The following RASEF variants were observed in gnomAD, a reference collection of about 807,000 sequenced individuals.
RASEF encodes the protein RAS and EF-hand domain containing, also known as ras and EF-hand domain-containing protein.
A neutral mutation model predicts 90.1 loss-of-function variants in RASEF; 68 were observed. The ratio of observed to expected loss-of-function variants is 0.75; its 90% CI spans 0.62 to 0.92. The LOEUF is 0.92. RASEF is among the 40% of genes least tolerant of loss of function. The probability of loss-of-function intolerance (pLI) is 0.00; values close to 1 mark genes in which losing one functional copy is unlikely to be tolerated. For synonymous variants in RASEF, 331 were observed against 345.2 expected, an observed-to-expected ratio of 0.96 and a Z score of 0.46; for missense variants, 949 against 937.2, an observed-to-expected ratio of 1.01 and a Z score of -0.16.
At chr9:83,134,179 T>C in the RASEF span, among the ~76,000 whole-genome samples, 1 of 152,044 alleles carries the variant, frequency 6.6e-6, no homozygotes, top group South Asian at 2.1e-4. Context: ...TGATCCCTCT[T>C]CTCTCCCTCC....
At chr9:83,173,513 G>T in the RASEF span, among the ~76,000 whole-genome samples, 1 of 151,042 alleles carries the variant, frequency 6.6e-6, no homozygotes, top group African/African-American at 2.4e-5. Context: ...GATCAGTTTT[G>T]CTGCTGAGAC....
chr9:83,065,116 A>G (rs551235145), upstream of RASEF, among the ~76,000 whole-genome samples: 3 of 152,228 alleles, frequency 2.0e-5, no homozygotes, highest in African/African-American at 4.8e-5. Context: ...ATTATTCCAA[A>G]TGTCTTGTGC....
the RASEF span, among the ~76,000 whole-genome samples, chr9:83,142,501 G>C: frequency 0.15 from 22,457 of 152,140 alleles, 1,869 homozygotes; most frequent in East Asian, 0.29. Flanking sequence ...GCAAAAGTTA[G>C]AGCCTGAAGT....
chr9:83,207,999 T>G, the RASEF span, among the ~76,000 whole-genome samples: 1 of 152,230 alleles, frequency 6.6e-6, no homozygotes, highest in East Asian at 1.9e-4. Flanking sequence ...TGTAGTGGCA[T>G]GTCTCCATTC....
the RASEF span, among the ~76,000 whole-genome samples, chr9:83,194,693 G>A: frequency 0.069 from 10,544 of 152,076 alleles, 639 homozygotes; most frequent in Admixed American, 0.14. Flanking sequence ...CTTCTCCCCC[G>A]TTTATTTAAT....
the RASEF span, among the ~76,000 whole-genome samples, chr9:83,151,221 A>G: frequency 6.6e-6 from 1 of 152,136 alleles, no homozygotes; most frequent in Non-Finnish European, 1.5e-5. Flanking sequence ...TAAATTATTT[A>G]CAGTAAATGT....
At chr9:83,020,162 G>A (rs1442526011) in intron 3 of RASEF, among the ~76,000 whole-genome samples, 2 of 152,204 alleles carry the variant, frequency 1.3e-5, no homozygotes, top group African/African-American at 4.8e-5. Context: ...TATGCCATAG[G>A]AGTCAAGGAC....
intron 6 of RASEF, among the ~76,000 whole-genome samples, chr9:83,008,041 A>G (rs1486447541): frequency 6.6e-6 from 1 of 151,990 alleles, no homozygotes; most frequent in Non-Finnish European, 1.5e-5. Flanking sequence ...TCCCCAAAGA[A>G]CCAGGCTTGC....
the RASEF span, among the ~76,000 whole-genome samples, chr9:83,118,190 G>A: frequency 2.0e-5 from 3 of 152,078 alleles, no homozygotes; most frequent in African/African-American, 4.8e-5. Context: ...ACCTGGTTCC[G>A]TGCTTTTTAA....
At position 82,982,501 on chromosome 9, in the gene RASEF, A is replaced by G; in HGVS notation, c.*176T>C. On this transcript the variant is annotated 3_prime_UTR_variant, in exon 17 of 17. Coordinates refer to ENST00000376447, the MANE Select transcript of RASEF (RefSeq NM_152573.4). ...GAGGGCCCAAATCACTCACTGAGAC[A>G]AAACAAAGAAGAGCCAAAGTTCCAG... 1 of 543,146 alleles carries G rather than the reference A, an allele frequency of 1.8e-6. No homozygotes were observed. The highest frequency in any genetic ancestry group is 3.3e-6 in the Non-Finnish European group (1 of 299,198). 33.6% of individuals were successfully genotyped at this position (543,146 alleles called of 1,614,324 possible).
the RASEF span, among the ~76,000 whole-genome samples, chr9:83,196,050 T>C: frequency 4.5e-4 from 69 of 152,112 alleles, no homozygotes; most frequent in Non-Finnish European, 7.1e-4. Context: ...AAACCTCAGA[T>C]TACTTCAAGG....
chr9:83,079,569 C>T, the RASEF span, among the ~76,000 whole-genome samples: 1 of 152,150 alleles, frequency 6.6e-6, no homozygotes, highest in East Asian at 1.9e-4. Context: ...GACCCAAACG[C>T]CTCCCACCAG....
the RASEF span, among the ~76,000 whole-genome samples, chr9:83,089,896 A>AGATAGATAGAT: frequency 1.6e-3 from 30 of 19,254 alleles, no homozygotes; most frequent in South Asian, 0.014. Flanking sequence ...GATAGATGAT[A>AGATAGATAGAT]GATAGATAGA....
the RASEF span, among the ~76,000 whole-genome samples, chr9:83,073,332 A>G: frequency 6.6e-6 from 1 of 152,150 alleles, no homozygotes. Flanking sequence ...GTTGATCTCC[A>G]TAATCTTCAG....
chr9:83,098,703 G>A, the RASEF span, among the ~76,000 whole-genome samples: 2 of 152,178 alleles, frequency 1.3e-5, no homozygotes, highest in African/African-American at 4.8e-5. Flanking sequence ...AAGGCAAGGA[G>A]GAGCAAAGTC....
chr9:83,034,785 T>C (rs866736996), intron 1 of RASEF, among the ~76,000 whole-genome samples: 1 of 152,334 alleles, frequency 6.6e-6, no homozygotes, highest in African/African-American at 2.4e-5. Flanking sequence ...ACATCTGCTT[T>C]ATGACTCAGA....
chr9:83,004,661 C>T, intron 8 of RASEF, 75 bp from the exon 9 acceptor site: 2 of 891,732 alleles, frequency 2.2e-6, no homozygotes, highest in Non-Finnish European at 3.7e-6. Context: ...TAGGTACACA[C>T]AAACCCATTT....
chr9:83,197,911 T>C, the RASEF span, among the ~76,000 whole-genome samples: 5 of 152,204 alleles, frequency 3.3e-5, no homozygotes, highest in Non-Finnish European at 7.3e-5. Context: ...AATGCTTTGA[T>C]ATCTACAGCA....
chr9:83,128,277 G>A, the RASEF span, among the ~76,000 whole-genome samples: 1 of 151,996 alleles, frequency 6.6e-6, no homozygotes, highest in Non-Finnish European at 1.5e-5. Flanking sequence ...GATCCCTGGT[G>A]AAACCCGATC....
Sources: gnomAD v4.1 joint callset for allele counts (sites outside exome capture counted in the v4.1 genomes callset) on GRCh38, gnomAD v4.1.1 for gene constraint, MANE v1.5 for transcripts, NCBI Gene and HGNC (gene_info 2026-07-23, HGNC 2026-07-21) for gene names.